ZNF519: variants seen among roughly 807,000 people sequenced by gnomAD.
ZNF519 encodes zinc finger protein 519.
ZNF519 carries 7 observed loss-of-function variants against 7.4 expected under a neutral mutation model. That is an observed-to-expected ratio of 0.94 (90% confidence interval 0.54 to 1.77). The LOEUF (loss-of-function observed/expected upper bound fraction) is 1.77, where lower values mean the gene tolerates loss of function less well. Among genes scored for constraint, ZNF519 ranks in the 40% most tolerant of loss-of-function variants. ZNF519 has a pLI of 0.00. For missense variants in ZNF519, 586 were observed against 623.1 expected, an observed-to-expected ratio of 0.94 and a Z score of 0.63; for synonymous variants, 179 against 203.3, an observed-to-expected ratio of 0.88 and a Z score of 1.02.
At chr18:14,129,257 T>A (rs1275975436) in intron 1 of ZNF519, among the ~76,000 whole-genome samples, 1 of 152,192 alleles carries the variant, frequency 6.6e-6, no homozygotes, top group Non-Finnish European at 1.5e-5. Flanking sequence ...GCCAGGAGTC[T>A]TCTAGGCACC....
intron 2 of ZNF519, chr18:14,124,138 A>G: frequency 6.5e-6 from 2 of 308,896 alleles, no homozygotes; most frequent in Non-Finnish European, 1.1e-5. Flanking sequence ...GCGCCATTGC[A>G]CTCCAGCCTG....
chr18:14,106,881 C>T (rs1412133991), intron 2 of ZNF519, among the ~76,000 whole-genome samples: 3 of 152,136 alleles, frequency 2.0e-5, no homozygotes, highest in African/African-American at 4.8e-5. Context: ...ACTCAGCTGA[C>T]GCCTGCCCAC....
intron 2 of ZNF519, among the ~76,000 whole-genome samples, chr18:14,109,994 T>C (rs1598517623): frequency 1.3e-5 from 2 of 152,108 alleles, no homozygotes; most frequent in African/African-American, 2.4e-5. Context: ...AATAGACACA[T>C]AGACCAATGA....
chr18:14,088,257 G>T (rs1017446105), intron 2 of ZNF519, among the ~76,000 whole-genome samples: 6 of 152,160 alleles, frequency 3.9e-5, no homozygotes, highest in African/African-American at 7.2e-5. Context: ...AGAAAGTCTT[G>T]TTCCAAAGTA....
At chr18:14,096,441 C>T (rs536709568), downstream of ZNF519, among the ~76,000 whole-genome samples, 4 of 152,320 alleles carry the variant, frequency 2.6e-5, no homozygotes, top group South Asian at 8.3e-4. Context: ...TTCATTCCCT[C>T]GTGTATAAAG....
chr18:14,083,158 T>C (rs1464696673), intron 3 of ZNF519, among the ~76,000 whole-genome samples: 1 of 152,032 alleles, frequency 6.6e-6, no homozygotes. Context: ...AAGACCAGCC[T>C]GGCCAACAAG....
chr18:14,085,300 G>T (rs1352515875), intron 2 of ZNF519, among the ~76,000 whole-genome samples: 1 of 152,062 alleles, frequency 6.6e-6, no homozygotes, highest in Non-Finnish European at 1.5e-5. Flanking sequence ...GCCCGAGACA[G>T]ATTTATGTTC....
At chr18:14,115,830 T>C (rs1452239922) in intron 2 of ZNF519, among the ~76,000 whole-genome samples, 13 of 152,216 alleles carry the variant, frequency 8.5e-5, no homozygotes, top group Admixed American at 7.2e-4. Context: ...ATTTTACTTA[T>C]GTAAGATACC....
chr18:14,108,103 G>C (rs1412990621), intron 2 of ZNF519, among the ~76,000 whole-genome samples: 1 of 152,150 alleles, frequency 6.6e-6, no homozygotes, highest in African/African-American at 2.4e-5. Context: ...GGTGGTACCA[G>C]GTAGTGGTTA....
chr18:14,089,960 G>T (rs1041759236), intron 2 of ZNF519: 2 of 152,248 alleles, frequency 1.3e-5, no homozygotes, highest in African/African-American at 4.8e-5. Flanking sequence ...GATGGCTGCG[G>T]TGCAATGGAG....
At position 14,132,414 on chromosome 18, in the gene ZNF519, G is replaced by A; in HGVS notation, c.-137C>T. The A allele has an allele frequency of 1.8e-6, 2 of 1,088,924 alleles. No homozygotes were observed. The highest frequency in any genetic ancestry group is 2.1e-5 in the Admixed American group (1 of 48,072). The allele number at this position is 1,088,924 out of a possible 1,614,324, so 67.5% of individuals were successfully genotyped here. A position where few individuals can be genotyped will look rare whatever the true frequency, so the allele number is the denominator to read the frequency against. ...CACAAGGCAATGAAGCCCTAACCCC[G>A]CGCTCTGGCTGAAGTGAGACAAAGG... On this transcript the variant is annotated 5_prime_UTR_variant, in exon 1 of 3. Transcript: ENST00000590202.
At chr18:14,081,235 G>A (rs1487986672) in intron 3 of ZNF519, among the ~76,000 whole-genome samples, 2 of 151,988 alleles carry the variant, frequency 1.3e-5, no homozygotes, top group Non-Finnish European at 2.9e-5. Flanking sequence ...GTTGTTAATG[G>A]GGGACACTAT....
At chr18:14,126,156 G>C (rs558772064) in intron 1 of ZNF519, among the ~76,000 whole-genome samples, 4 of 152,320 alleles carry the variant, frequency 2.6e-5, no homozygotes, top group East Asian at 1.9e-4. Flanking sequence ...TGTGGGATCA[G>C]ACCTGGAGAA....
chr18:14,081,954 T>TAA (rs1224864822), intron 3 of ZNF519, among the ~76,000 whole-genome samples: 6 of 151,608 alleles, frequency 4.0e-5, no homozygotes, highest in Admixed American at 2.0e-4. Flanking sequence ...ACAAGACTGT[T>TAA]TATATTATAT....
In ZNF519 at chr18:14,104,823, T is replaced by C; in HGVS notation, c.*94A>G. On this transcript the variant is annotated 3_prime_UTR_variant, in exon 3 of 3. Coordinates refer to ENST00000590202, the MANE Select transcript of ZNF519 (RefSeq NM_145287.4). ...TTGATGTTTCAAAAATCATTACACATATGGGATTTCTATCCAGTATTGATT... is the reference window on the plus strand; with the variant it reads ...TTGATGTTTCAAAAATCATTACACACATGGGATTTCTATCCAGTATTGATT... 1 of 1,294,208 alleles carries C rather than the reference T, an allele frequency of 7.7e-7. No individual in the cohort carries two copies. The highest frequency in any genetic ancestry group is 1.0e-6 in the Non-Finnish European group (1 of 967,422). The allele number at this position is 1,294,208 out of a possible 1,614,324, so 80.2% of individuals were successfully genotyped here. A position where few individuals can be genotyped will look rare whatever the true frequency, so the allele number is the denominator to read the frequency against.
chr18:14,111,250 ATCCC>A (rs1452063738), intron 2 of ZNF519, among the ~76,000 whole-genome samples: 1 of 151,392 alleles, frequency 6.6e-6, no homozygotes, highest in Non-Finnish European at 1.5e-5. Context: ...CATGCCTGTA[ATCCC>A]GGCACTTTAG....
downstream of ZNF519, chr18:14,072,980 G>T (rs1208160889): frequency 1.3e-5 from 2 of 152,168 alleles, no homozygotes; most frequent in Non-Finnish European, 2.9e-5. Context: ...ACCATAGCCA[G>T]ATTTGAAGAC....
At chr18:14,130,447 G>C (rs1181808708) in intron 1 of ZNF519, among the ~76,000 whole-genome samples, 1 of 151,900 alleles carries the variant, frequency 6.6e-6, no homozygotes, top group African/African-American at 2.4e-5. Flanking sequence ...CCAATTTACA[G>C]TTAATTAAAA....
Position 14,101,446 on chromosome 18 carries a change from T to C in ZNF519, c.*3471A>G. On this transcript the variant is annotated 3_prime_UTR_variant, in exon 3 of 3. Coordinates refer to ENST00000590202, the MANE Select transcript of ZNF519 (RefSeq NM_145287.4). The stretch of plus-strand genomic sequence containing the variant: ...AAAATATAAATAATTTTCCTAGATA[T>C]TCTTACAAATATGTGAAAGCCGATT... 2.6e-6 allele frequency: 1 copy of C among 385,218 alleles called. No individual in the cohort carries two copies. Among genetic ancestry groups the C allele is most frequent in the Non-Finnish European group, 4.6e-6 (1 of 218,346 alleles). 23.9% of individuals were successfully genotyped at this position (385,218 alleles called of 1,614,324 possible).
Sources: allele counts gnomAD v4.1 joint callset (sites outside exome capture counted in the v4.1 genomes callset), GRCh38; gene constraint gnomAD v4.1.1; transcripts MANE v1.5; gene names NCBI Gene and HGNC (gene_info 2026-07-23, HGNC 2026-07-21).